Variants in DHODH observed in about 807,000 individuals in gnomAD.
DHODH encodes dihydroorotate dehydrogenase (quinone), mitochondrial.
Under a neutral mutation model 39.7 loss-of-function variants are expected in DHODH, and 30 were observed. The ratio of observed to expected loss-of-function variants is 0.76; its 90% CI spans 0.57 to 1.02. DHODH has a LOEUF of 1.02. DHODH is among the 50% of genes least tolerant of loss of function. DHODH has a pLI of 0.00. For synonymous variants in DHODH, 222 were observed against 213.8 expected (o/e 1.04, Z -0.34); for missense variants, 531 against 520.8 (o/e 1.02, Z -0.19).
intron 1 of DHODH, among the ~76,000 whole-genome samples, chr16:72,011,020 C>G (rs1166390893): frequency 1.4e-5 from 2 of 147,580 alleles, no homozygotes; most frequent in Admixed American, 6.6e-5. Flanking sequence ...GCCACCAAGT[C>G]CAGCTATGTG....
At chr16:72,016,719 T>A (rs2041145469) in intron 3 of DHODH, 1 of 390,306 alleles carries the variant, frequency 2.6e-6, no homozygotes. Context: ...AGGTGGCAAG[T>A]GAGTGTGCAA....
At chr16:72,020,184 G>A (rs1045634359) in intron 4 of DHODH, among the ~76,000 whole-genome samples, 1 of 151,280 alleles carries the variant, frequency 6.6e-6, no homozygotes, top group Non-Finnish European at 1.5e-5. Flanking sequence ...GCTGAGACAG[G>A]AGAATTGCTT....
intron 3 of DHODH, 85 bp from the exon 4 acceptor site, chr16:72,016,939 C>A: frequency 3.2e-6 from 4 of 1,232,628 alleles, no homozygotes; most frequent in Non-Finnish European, 3.5e-6. Context: ...TTTTTTTTTT[C>A]TCTTGTTTGA....
intron 4 of DHODH, among the ~76,000 whole-genome samples, chr16:72,018,942 A>G (rs2041173298): frequency 6.6e-6 from 1 of 152,184 alleles, no homozygotes; most frequent in Non-Finnish European, 1.5e-5. Flanking sequence ...AGACCTTATG[A>G]TAAACCTTTT....
intron 1 of DHODH, among the ~76,000 whole-genome samples, chr16:72,010,670 G>A (rs2041072006): frequency 6.6e-6 from 1 of 152,198 alleles, no homozygotes; most frequent in Admixed American, 6.5e-5. Flanking sequence ...AATAAGATCT[G>A]AAGCTTCTGT....
At chr16:72,015,770 A>C (rs2041135154) in intron 3 of DHODH, 1 of 985,398 alleles carries the variant, frequency 1.0e-6, no homozygotes, top group Non-Finnish European at 1.2e-6. Flanking sequence ...TGCTGGGATG[A>C]TGGTACTTGG....
intron 1 of DHODH, 97 bp from the exon 2 acceptor site, chr16:72,011,953 C>G (rs910725684): frequency 4.6e-5 from 44 of 949,168 alleles, no homozygotes; most frequent in Non-Finnish European, 7.4e-5. Flanking sequence ...TTTCATGTGA[C>G]CTGCCGTTAT....
chr16:72,011,021 C>T (rs2143968374), intron 1 of DHODH, among the ~76,000 whole-genome samples: 1 of 147,632 alleles, frequency 6.8e-6, no homozygotes, highest in Non-Finnish European at 1.5e-5. Flanking sequence ...CCACCAAGTC[C>T]AGCTATGTGC....
chr16:72,008,936 A>G, intron 1 of DHODH, 151 bp downstream of exon 1: 1 of 1,523,264 alleles, frequency 6.6e-7, no homozygotes, highest in Non-Finnish European at 8.8e-7. Flanking sequence ...TCTCCTGCAA[A>G]TGCTCGTGCG....
chr16:72,016,985 CGT>C, intron 3 of DHODH, 37 bp from the exon 4 acceptor site: 1 of 1,582,096 alleles, frequency 6.3e-7, no homozygotes, highest in Non-Finnish European at 8.7e-7. Flanking sequence ...GCTATGGTGC[CGT>C]CTCACTCTGC....
chr16:72,011,250 T>C (rs1180001916), intron 1 of DHODH, among the ~76,000 whole-genome samples: 1 of 152,350 alleles, frequency 6.6e-6, no homozygotes, highest in South Asian at 2.1e-4. Flanking sequence ...CCATTCCCGA[T>C]GAGATTTTCT....
chr16:72,018,232 G>A (rs1034686347), intron 4 of DHODH, among the ~76,000 whole-genome samples: 8 of 152,154 alleles, frequency 5.3e-5, no homozygotes, highest in African/African-American at 1.9e-4. Flanking sequence ...TGGCTCAGTA[G>A]CGACCATTTT....
At chr16:72,015,832 T>C in intron 3 of DHODH, 1 of 985,480 alleles carries the variant, frequency 1.0e-6, no homozygotes, top group Non-Finnish European at 1.2e-6. Flanking sequence ...GCCCTGTGTG[T>C]GCGGCCTCCT....
intron 2 of DHODH, among the ~76,000 whole-genome samples, chr16:72,013,156 A>G (rs2041103196): frequency 6.8e-6 from 1 of 147,280 alleles, no homozygotes; most frequent in Non-Finnish European, 1.5e-5. Context: ...TTCCTACCTT[A>G]GACTCCTCTT....
At chr16:72,010,106 A>G (rs2052579) in intron 1 of DHODH, among the ~76,000 whole-genome samples, 145,729 of 152,316 alleles carry the variant, frequency 0.96, 69,770 homozygotes, top group East Asian at 1. Context: ...AAGCAAATCT[A>G]ATCATGTCAT....
intron 4 of DHODH, among the ~76,000 whole-genome samples, chr16:72,019,312 A>G (rs144373694): frequency 3.5e-4 from 54 of 152,262 alleles, no homozygotes; most frequent in African/African-American, 1.3e-3. Flanking sequence ...AGCTACACTC[A>G]TCTCATTTGC....
chr16:72,017,920 C>G (rs543842045), intron 4 of DHODH, among the ~76,000 whole-genome samples: 5 of 152,132 alleles, frequency 3.3e-5, no homozygotes, highest in Middle Eastern at 3.4e-3. Context: ...TTCAGGCACC[C>G]GCCGCCACAC....
In DHODH at chr16:72,024,539, G is replaced by A. The variant is rs1333248340; in HGVS notation, c.*340G>A. 3 of 393,308 alleles carry A rather than the reference G, an allele frequency of 7.6e-6. No individual in the cohort carries two copies. Among genetic ancestry groups the A allele is most frequent in the African/African-American group, 2.1e-5 (1 of 48,688 alleles). 24.4% of individuals were successfully genotyped at this position (393,308 alleles called of 1,614,324 possible). A position where few individuals can be genotyped will look rare whatever the true frequency, so the allele number is the denominator to read the frequency against. On this transcript the variant is annotated 3_prime_UTR_variant, in exon 9 of 9. Transcript: ENST00000219240. ...GCTAGCCCTTTCTGGTTTGCCATAG[G>A]CCCTGCCAAGATACTGCAGGTCCAT...
intron 4 of DHODH, 127 bp from the exon 5 acceptor site, chr16:72,020,997 G>T: frequency 3.1e-6 from 3 of 953,398 alleles, no homozygotes; most frequent in Non-Finnish European, 4.7e-6. Flanking sequence ...GTCAGCCGGT[G>T]TCGGGCAGGT....
Sources: allele counts gnomAD v4.1 joint callset (sites outside exome capture counted in the v4.1 genomes callset), GRCh38; gene constraint gnomAD v4.1.1; transcripts MANE v1.5; gene names NCBI Gene and HGNC (gene_info 2026-07-23, HGNC 2026-07-21).